Variants in FMN1 observed in about 807,000 individuals in gnomAD.
FMN1 encodes the protein formin 1, also known as formin-1.
FMN1 carries 110 observed loss-of-function variants against 132.4 expected under a neutral mutation model. The observed-to-expected ratio is 0.83, with a 90% CI of 0.71 to 0.97. The LOEUF is 0.97. FMN1 is among the 50% of genes least tolerant of loss of function. The pLI, the probability that FMN1 is intolerant of heterozygous loss-of-function variation, is 0.00. For synonymous variants in FMN1, 722 were observed against 651.7 expected (o/e 1.11, Z -1.64); for missense variants, 1,792 against 1,705.3 (o/e 1.05, Z -0.90).
intron 7 of FMN1, among the ~76,000 whole-genome samples, chr15:32,987,592 G>C (rs912343800): frequency 6.6e-6 from 1 of 152,142 alleles, no homozygotes; most frequent in Admixed American, 6.6e-5. Flanking sequence ...TTTTTATAAA[G>C]ATTGGCATGA....
At chr15:32,905,693 C>T (rs1184602571) in intron 12 of FMN1, among the ~76,000 whole-genome samples, 1 of 152,168 alleles carries the variant, frequency 6.6e-6, no homozygotes, top group Non-Finnish European at 1.5e-5. Context: ...TAGGACTGGG[C>T]ACCACAGGGC....
At chr15:32,932,038 C>T (rs1411408342) in intron 9 of FMN1, among the ~76,000 whole-genome samples, 1 of 152,010 alleles carries the variant, frequency 6.6e-6, no homozygotes, top group African/African-American at 2.4e-5. Context: ...TATGTTGAAC[C>T]TTCCTTGCAT....
chr15:32,932,473 T>C (rs2061146430), intron 9 of FMN1, among the ~76,000 whole-genome samples: 1 of 152,240 alleles, frequency 6.6e-6, no homozygotes, highest in Non-Finnish European at 1.5e-5. Context: ...TCTTTTCTTG[T>C]AATGTCTTTG....
At chr15:33,027,768 C>G (rs571581233) in intron 6 of FMN1, among the ~76,000 whole-genome samples, 1 of 152,078 alleles carries the variant, frequency 6.6e-6, no homozygotes, top group Non-Finnish European at 1.5e-5. Flanking sequence ...CACACACACA[C>G]GAATATACAT....
intron 3 of FMN1, among the ~76,000 whole-genome samples, chr15:33,172,074 G>A (rs1413417790): frequency 6.6e-6 from 1 of 152,122 alleles, no homozygotes; most frequent in Non-Finnish European, 1.5e-5. Flanking sequence ...CGGGCGTGGT[G>A]GCGGGCGCCT....
chr15:33,066,885 C>G (rs1566884450), intron 5 of FMN1: 3 of 1,613,946 alleles, frequency 1.9e-6, no homozygotes, highest in Non-Finnish European at 2.5e-6. Context: ...GCCTTCGGAT[C>G]AGTTGCTTTC....
In FMN1 at chr15:32,766,529, A is replaced by T. The variant is rs2056052054; in HGVS notation, c.*7781T>A. On this transcript the variant is annotated 3_prime_UTR_variant, in exon 21 of 21. Transcript: ENST00000616417. ...AGAAATTGAGAAGGCCTAGAATAAG[A>T]ACCCCCCCCCCACCCCGCCCAATCT... is the stretch of plus-strand genomic sequence containing the variant. 1 of 70,712 alleles carries T rather than the reference A, an allele frequency of 1.4e-5. No homozygotes were observed. 4.4% of individuals were successfully genotyped at this position (70,712 alleles called of 1,614,324 possible). A position where few individuals can be genotyped will look rare whatever the true frequency, so the allele number is the denominator to read the frequency against.
chr15:33,066,575 G>A (rs1029809265), intron 5 of FMN1: 48 of 1,612,044 alleles, frequency 3.0e-5, no homozygotes, highest in Non-Finnish European at 3.9e-5. Flanking sequence ...AGCTCTTAGC[G>A]ACTCCTTCTC....
rs2061556155 is a variant in FMN1 at position 32,948,463 on chromosome 15, T to C, written c.3138+15644A>G. Among the ~76,000 whole-genome samples, 3 of 152,132 alleles carry C rather than the reference T, an allele frequency of 2.0e-5. No homozygotes were observed. The South Asian group carries it at 6.2e-4, about 32-fold the overall frequency. On this transcript the variant is annotated intron_variant, in intron 9 of 20. Transcript: ENST00000616417. ...TTTAATATTATTTTCTATTATCTAA[T>C]ATTTTGTGTAAGAAAGACATGCTTA... is the stretch of plus-strand genomic sequence containing the variant.
intron 4 of FMN1, among the ~76,000 whole-genome samples, chr15:33,103,716 A>C (rs345781): frequency 6.6e-6 from 1 of 151,936 alleles, no homozygotes; most frequent in African/African-American, 2.4e-5. Context: ...AAGAGTATTT[A>C]AGGTGCCAGG....
intron 6 of FMN1, among the ~76,000 whole-genome samples, chr15:33,018,814 T>C (rs1362825002): frequency 6.6e-6 from 1 of 152,180 alleles, no homozygotes; most frequent in African/African-American, 2.4e-5. Context: ...CTGGCTTCAG[T>C]GAATCTGCAT....
At chr15:32,955,943 G>A (rs1304074585) in intron 9 of FMN1, among the ~76,000 whole-genome samples, 1 of 152,084 alleles carries the variant, frequency 6.6e-6, no homozygotes, top group Admixed American at 6.5e-5. Flanking sequence ...CTAAGCACTG[G>A]AACCATGGCT....
intron 16 of FMN1, among the ~76,000 whole-genome samples, chr15:32,868,664 G>A (rs2059448110): frequency 6.6e-6 from 1 of 152,110 alleles, no homozygotes; most frequent in Non-Finnish European, 1.5e-5. Context: ...GGAGGCAGGG[G>A]CTGGAGAAGA....
intron 3 of FMN1, among the ~76,000 whole-genome samples, chr15:33,178,757 A>G (rs1457969792): frequency 6.6e-6 from 1 of 152,238 alleles, no homozygotes; most frequent in East Asian, 1.9e-4. Flanking sequence ...AGTACTATAT[A>G]AGTAATTGCT....
intron 4 of FMN1, among the ~76,000 whole-genome samples, chr15:33,136,156 T>G (rs1005244074): frequency 2.6e-5 from 4 of 152,240 alleles, no homozygotes; most frequent in African/African-American, 9.6e-5. Flanking sequence ...GACATCACAA[T>G]GTGGTACAAA....
chr15:32,912,673 T>TA (rs1363918217), intron 10 of FMN1, among the ~76,000 whole-genome samples: 5 of 152,034 alleles, frequency 3.3e-5, no homozygotes, highest in Admixed American at 3.3e-4. Flanking sequence ...TCTTGGAGAA[T>TA]AACGTCCCAG....
At chr15:32,920,214 G>C (rs763049361) in intron 10 of FMN1, among the ~76,000 whole-genome samples, 26 of 152,072 alleles carry the variant, frequency 1.7e-4, no homozygotes, top group Non-Finnish European at 8.8e-5. Context: ...CACTAACATG[G>C]AATGAAAACA....
intron 11 of FMN1, 143 bp from the exon 12 acceptor site, chr15:32,908,721 A>G: frequency 1.7e-6 from 1 of 601,334 alleles, no homozygotes; most frequent in Non-Finnish European, 2.9e-6. Context: ...CTTGTCAGAA[A>G]TGCAAATTAT....
intron 7 of FMN1, among the ~76,000 whole-genome samples, chr15:33,004,474 G>T (rs1177600518): frequency 6.6e-6 from 1 of 152,136 alleles, no homozygotes; most frequent in Non-Finnish European, 1.5e-5. Context: ...GAAATGCAAA[G>T]CAGAACCACA....
Sources: gnomAD v4.1 joint callset for allele counts (sites outside exome capture counted in the v4.1 genomes callset) on GRCh38, gnomAD v4.1.1 for gene constraint, MANE v1.5 for transcripts, NCBI Gene and HGNC (gene_info 2026-07-23, HGNC 2026-07-21) for gene names.